The following C1orf94 variants were observed in gnomAD, a reference collection of about 807,000 sequenced individuals.
C1orf94 encodes the protein chromosome 1 open reading frame 94, also known as uncharacterized protein C1orf94.
In C1orf94, 45 loss-of-function variants were observed where a neutral mutation model predicts 53.6. The ratio of observed to expected loss-of-function variants is 0.84; its 90% CI spans 0.66 to 1.08. C1orf94 has a LOEUF of 1.08. C1orf94 is among the 50% of genes least tolerant of loss of function. The probability of loss-of-function intolerance (pLI) is 0.00; values close to 1 mark genes in which losing one functional copy is unlikely to be tolerated. For missense variants in C1orf94, 762 were observed against 738.9 expected, an observed-to-expected ratio of 1.03 and a Z score of -0.36; for synonymous variants, 304 against 296.1, an observed-to-expected ratio of 1.03 and a Z score of -0.27.
intron 1 of C1orf94, among the ~76,000 whole-genome samples, chr1:34,189,253 G>A (rs572397039): frequency 1.3e-5 from 2 of 151,978 alleles, no homozygotes; most frequent in Non-Finnish European, 2.9e-5. Context: ...GGGCATGGCT[G>A]TGGTACGTGT....
At chr1:34,182,263 G>A (rs1001461466) in intron 1 of C1orf94, among the ~76,000 whole-genome samples, 3 of 152,158 alleles carry the variant, frequency 2.0e-5, no homozygotes, top group Admixed American at 1.3e-4. Context: ...GAGGGACAGC[G>A]AGACGGGAGA....
At chr1:34,184,556 A>C (rs1024977557) in intron 1 of C1orf94, among the ~76,000 whole-genome samples, 4 of 152,158 alleles carry the variant, frequency 2.6e-5, no homozygotes, top group Admixed American at 1.3e-4. Flanking sequence ...TTTTTTGAAA[A>C]ACAGAAGTGG....
upstream of C1orf94, among the ~76,000 whole-genome samples, chr1:34,173,483 T>C (rs1642177733): frequency 6.6e-6 from 1 of 152,166 alleles, no homozygotes; most frequent in Non-Finnish European, 1.5e-5. Flanking sequence ...GAAAGCCAGA[T>C]GAGAAGAGGC....
intron 1 of C1orf94, among the ~76,000 whole-genome samples, chr1:34,170,445 GCA>G (rs1259430383): frequency 6.6e-6 from 1 of 152,144 alleles, no homozygotes; most frequent in Admixed American, 6.5e-5. Flanking sequence ...TAGGAAGAAA[GCA>G]CAGAGTGGGC....
intron 1 of C1orf94, among the ~76,000 whole-genome samples, chr1:34,179,147 A>T (rs1642276180): frequency 6.6e-6 from 1 of 152,230 alleles, no homozygotes; most frequent in South Asian, 2.1e-4. Context: ...TGTAAATGAC[A>T]CCCAGCTCTA....
At chr1:34,181,055 C>T (rs1254118019) in intron 1 of C1orf94, among the ~76,000 whole-genome samples, 1 of 152,158 alleles carries the variant, frequency 6.6e-6, no homozygotes, top group Non-Finnish European at 1.5e-5. Context: ...TGAACCCCCT[C>T]AAAATACCTT....
chr1:34,191,702 T>G (rs1642496160), intron 1 of C1orf94, among the ~76,000 whole-genome samples: 1 of 152,128 alleles, frequency 6.6e-6, no homozygotes, highest in South Asian at 2.1e-4. Context: ...TTTGGTATCC[T>G]CCTCCAGCAC....
In C1orf94 at chr1:34,177,133, C is replaced by T. The variant is rs1642239183; in HGVS notation, c.-657C>T. The stretch of plus-strand genomic sequence containing the variant: ...GGGCCGGGGACTAAGGGCTGTGGGC[C>T]CATCCACACACGCCTCATCCCTTCT... On this transcript the variant is annotated 5_prime_UTR_variant, in exon 1 of 7. Transcript: ENST00000488417. Among the ~76,000 whole-genome samples, 1 of 152,226 alleles carries T rather than the reference C, an allele frequency of 6.6e-6. No individual in the cohort carries two copies. The highest frequency in any genetic ancestry group is 1.5e-5 in the Non-Finnish European group (1 of 68,040).
At position 34,197,909 on chromosome 1, in the gene C1orf94, G is replaced by A. The variant is rs545905362; in HGVS notation, c.1005G>A (p.Leu335=). The part of the protein sequence containing the change: ...KADPAVERHH[L]MEWSPGTKEP... ...ACCCTGCTGTGGAGAGGCACCACTTGATGGGTGAGTGGGGTTGGAACTGGG... is the reference window on the plus strand; with the variant it reads ...ACCCTGCTGTGGAGAGGCACCACTTAATGGGTGAGTGGGGTTGGAACTGGG... The change falls in exon 2 of 7, where the codon TTG becomes TTA. Residue 335 remains leucine, a synonymous_variant. Transcript: ENST00000488417. The surrounding 1 kb of genome is among the most constrained non-coding windows in gnomAD (Gnocchi z 4.1). 77 of 1,612,110 alleles carry A rather than the reference G, an allele frequency of 4.8e-5. No homozygotes were observed. The South Asian group carries it at 8.2e-4, about 17-fold the overall frequency.
chr1:34,176,086 C>T (rs1642220014), upstream of C1orf94, among the ~76,000 whole-genome samples: 2 of 152,068 alleles, frequency 1.3e-5, no homozygotes, highest in Non-Finnish European at 2.9e-5. Flanking sequence ...CACCCTTATG[C>T]TTCTTCAGTG....
At chr1:34,182,330 G>C (rs983623033) in intron 1 of C1orf94, among the ~76,000 whole-genome samples, 3 of 152,322 alleles carry the variant, frequency 2.0e-5, no homozygotes, top group Middle Eastern at 6.8e-3. Flanking sequence ...AGGCAGGCAA[G>C]GCCTCAGGAG....
upstream of C1orf94, among the ~76,000 whole-genome samples, chr1:34,174,898 T>C (rs1164850768): frequency 2.0e-5 from 3 of 152,212 alleles, no homozygotes; most frequent in East Asian, 5.8e-4. Flanking sequence ...AATATGTATT[T>C]AATGATAAGA....
chr1:34,212,554 G>A (rs1441895085), intron 6 of C1orf94, 148 bp downstream of exon 6: 1 of 845,402 alleles, frequency 1.2e-6, no homozygotes. Context: ...TGGTGGTTGT[G>A]TGGGTCCTGG....
At chr1:34,202,439 AT>A (rs1642726759) in intron 4 of C1orf94, among the ~76,000 whole-genome samples, 180 bp downstream of exon 4, 1 of 151,222 alleles carries the variant, frequency 6.6e-6, no homozygotes, top group Non-Finnish European at 1.5e-5. Flanking sequence ...CTTGTTGGTT[AT>A]TTTTTTCATT....
At chr1:34,207,262 GGTGTGT>G (rs58794132) in intron 4 of C1orf94, among the ~76,000 whole-genome samples, 5,775 of 147,238 alleles carry the variant, frequency 0.039, 179 homozygotes, top group East Asian at 0.12. Context: ...AGTTCTGCGG[GGTGTGT>G]GTGTGTGTGT....
chr1:34,192,410 G>A (rs1311081149), intron 1 of C1orf94, among the ~76,000 whole-genome samples: 1 of 152,188 alleles, frequency 6.6e-6, no homozygotes, highest in Non-Finnish European at 1.5e-5. Flanking sequence ...GAGATGGGAT[G>A]TGAGATGAAA....
chr1:34,214,873 A>G (rs1642956528), intron 6 of C1orf94, among the ~76,000 whole-genome samples: 1 of 152,210 alleles, frequency 6.6e-6, no homozygotes, highest in Non-Finnish European at 1.5e-5. Context: ...TGGGGAGACC[A>G]GGACCATGAG....
At chr1:34,172,323 AT>A (rs1176035021), upstream of C1orf94, among the ~76,000 whole-genome samples, 1 of 151,190 alleles carries the variant, frequency 6.6e-6, no homozygotes, top group Non-Finnish European at 1.5e-5. Flanking sequence ...ATAGGCTGCC[AT>A]TTTTACATTG....
At chr1:34,176,332 C>G (rs1440727093), upstream of C1orf94, among the ~76,000 whole-genome samples, 1 of 152,178 alleles carries the variant, frequency 6.6e-6, no homozygotes, top group Admixed American at 6.5e-5. Flanking sequence ...GAAGCAACCC[C>G]CTGACTCTCG....
Sources: allele counts gnomAD v4.1 joint callset (sites outside exome capture counted in the v4.1 genomes callset), GRCh38; gene constraint gnomAD v4.1.1; non-coding constraint Gnocchi (gnomAD v3.1); transcripts MANE v1.5; gene names NCBI Gene and HGNC (gene_info 2026-07-23, HGNC 2026-07-21).